CLEC16A: variants seen among roughly 807,000 people sequenced by gnomAD.
CLEC16A encodes protein CLEC16A.
In CLEC16A, 51 loss-of-function variants were observed where a neutral mutation model predicts 109.5. The ratio of observed to expected loss-of-function variants is 0.47; its 90% CI spans 0.37 to 0.59. The LOEUF (loss-of-function observed/expected upper bound fraction) is 0.59. Ranked by LOEUF, CLEC16A falls within the 20% of genes least tolerant of loss-of-function variation. The pLI, the probability that CLEC16A is intolerant of heterozygous loss-of-function variation, is 0.00. For synonymous variants in CLEC16A, 673 were observed against 564.2 expected (o/e 1.19, Z -2.73); for missense variants, 1,339 against 1,394.0 (o/e 0.96, Z 0.63).
intron 19 of CLEC16A, among the ~76,000 whole-genome samples, chr16:11,086,477 T>C (rs780679511): frequency 6.6e-6 from 1 of 152,238 alleles, no homozygotes; most frequent in Non-Finnish European, 1.5e-5. Context: ...GTAGGTAATT[T>C]CCTGTTAAGG....
At position 10,954,918 on chromosome 16, in the gene CLEC16A, A is replaced by G. The variant is rs1484340377; in HGVS notation, c.81-2864A>G. Among the ~76,000 whole-genome samples the G allele has an allele frequency of 6.6e-6, 1 of 152,220 alleles. No individual in the cohort carries two copies. The highest frequency in any genetic ancestry group is 1.9e-4 in the East Asian group (1 of 5,200). On this transcript the variant is annotated intron_variant, in intron 1 of 23. Transcript: ENST00000409790. This position sits in a 1 kb window ranked among gnomAD's most constrained non-coding sequence, Gnocchi z 4.2. Reference sequence around the variant, plus strand: ...AATAACGGCCCCCACCACAATGACCATAATCTAATCACCATGGCAGCCAAG... The same window carrying G: ...AATAACGGCCCCCACCACAATGACCGTAATCTAATCACCATGGCAGCCAAG...
intron 10 of CLEC16A, among the ~76,000 whole-genome samples, chr16:10,994,550 C>T (rs1374742896): frequency 6.6e-6 from 1 of 152,068 alleles, no homozygotes; most frequent in Non-Finnish European, 1.5e-5. Context: ...CTGTGTTTAT[C>T]AGGTAAAAAT....
chr16:10,962,059 C>A (rs2042273883), intron 2 of CLEC16A, among the ~76,000 whole-genome samples: 1 of 149,106 alleles, frequency 6.7e-6, no homozygotes, highest in Non-Finnish European at 1.5e-5. Flanking sequence ...CTCAAGCGGT[C>A]CTCCCACCTT....
At chr16:11,014,010 T>C (rs1316290701) in intron 11 of CLEC16A, among the ~76,000 whole-genome samples, 1 of 152,204 alleles carries the variant, frequency 6.6e-6, no homozygotes, top group Non-Finnish European at 1.5e-5. Flanking sequence ...GCTTCTTCTT[T>C]CTCATTCTCA....
intron 22 of CLEC16A, among the ~76,000 whole-genome samples, chr16:11,138,100 A>G (rs1266147280): frequency 1.1e-4 from 16 of 152,000 alleles, no homozygotes; most frequent in Non-Finnish European, 1.5e-5. Flanking sequence ...TTTTAAAGGA[A>G]CTTTTACAAT....
At chr16:11,006,783 G>A (rs2045045851) in intron 11 of CLEC16A, among the ~76,000 whole-genome samples, 1 of 152,152 alleles carries the variant, frequency 6.6e-6, no homozygotes, top group Non-Finnish European at 1.5e-5. Flanking sequence ...GCTCAGACAA[G>A]GAAGTTGTGT....
At chr16:11,050,261 C>G (rs945858765) in intron 17 of CLEC16A, among the ~76,000 whole-genome samples, 1 of 152,180 alleles carries the variant, frequency 6.6e-6, no homozygotes, top group Non-Finnish European at 1.5e-5. Flanking sequence ...GACCCAATCC[C>G]GTCTTGTTAG....
At chr16:10,991,632 T>G (rs1008753667) in intron 10 of CLEC16A, among the ~76,000 whole-genome samples, 1 of 152,114 alleles carries the variant, frequency 6.6e-6, no homozygotes, top group African/African-American at 2.4e-5. Flanking sequence ...CTGGAACCTC[T>G]TCGTCTTTGT....
At chr16:11,041,098 A>G (rs550634230) in intron 14 of CLEC16A, 1 of 152,362 alleles carries the variant, frequency 6.6e-6, no homozygotes, top group South Asian at 2.1e-4. Context: ...AGATGCTTCT[A>G]GGAGAGATGC....
intron 22 of CLEC16A, among the ~76,000 whole-genome samples, chr16:11,155,789 C>A (rs957428630): frequency 6.6e-6 from 1 of 152,222 alleles, no homozygotes; most frequent in Non-Finnish European, 1.5e-5. Flanking sequence ...TTAACTACCC[C>A]ACCCTGCAAA....
At chr16:11,134,725 G>T (rs1597509526) in intron 22 of CLEC16A, among the ~76,000 whole-genome samples, 1 of 152,214 alleles carries the variant, frequency 6.6e-6, no homozygotes, top group Admixed American at 6.5e-5. Flanking sequence ...AAAAGTTTTG[G>T]ATTTTGGATT....
intron 19 of CLEC16A, among the ~76,000 whole-genome samples, chr16:11,111,690 T>G (rs2051597522): frequency 6.6e-6 from 1 of 152,202 alleles, no homozygotes; most frequent in Admixed American, 6.5e-5. Flanking sequence ...TCAGACTAGT[T>G]TGTCGTAGAA....
intron 22 of CLEC16A, among the ~76,000 whole-genome samples, chr16:11,157,517 A>G (rs1363932614): frequency 6.6e-6 from 1 of 152,248 alleles, no homozygotes; most frequent in Non-Finnish European, 1.5e-5. Flanking sequence ...CTCTGTGCAT[A>G]TACCTGAAGC....
intron 23 of CLEC16A, among the ~76,000 whole-genome samples, chr16:11,175,971 G>C (rs547773587): frequency 6.6e-6 from 1 of 152,268 alleles, no homozygotes; most frequent in Non-Finnish European, 1.5e-5. Flanking sequence ...TTTGTCTCCA[G>C]ATGGTAGGAC....
intron 19 of CLEC16A, among the ~76,000 whole-genome samples, chr16:11,077,743 C>T (rs1397611667): frequency 3.9e-5 from 6 of 152,152 alleles, no homozygotes; most frequent in Non-Finnish European, 1.5e-5. Flanking sequence ...GTGACCAGCA[C>T]AATGCGTGGT....
chr16:11,141,714 C>A (rs11074954), intron 22 of CLEC16A, among the ~76,000 whole-genome samples: 56,769 of 152,108 alleles, frequency 0.37, 10,742 homozygotes, highest in South Asian at 0.48. Context: ...GAGGGACGGT[C>A]TGGGATGTGG....
chr16:11,136,016 T>G (rs1256815014), intron 22 of CLEC16A: 1 of 152,310 alleles, frequency 6.6e-6, no homozygotes, highest in African/African-American at 2.4e-5. Flanking sequence ...AATCCCAGCA[T>G]CCTTTTTTTC....
intron 22 of CLEC16A, among the ~76,000 whole-genome samples, chr16:11,164,048 C>A (rs892250063): frequency 6.6e-6 from 1 of 152,134 alleles, no homozygotes; most frequent in African/African-American, 2.4e-5. Context: ...TTGGATTTGC[C>A]GGATGTTTGC....
intron 10 of CLEC16A, among the ~76,000 whole-genome samples, chr16:10,994,521 C>G (rs910368666): frequency 4.6e-5 from 7 of 152,078 alleles, no homozygotes; most frequent in Non-Finnish European, 5.9e-5. Context: ...TGGGTGTGAC[C>G]TCCTGTGACT....
Sources: allele counts gnomAD v4.1 joint callset (sites outside exome capture counted in the v4.1 genomes callset), GRCh38; gene constraint gnomAD v4.1.1; non-coding constraint Gnocchi (gnomAD v3.1); transcripts MANE v1.5; gene names NCBI Gene and HGNC (gene_info 2026-07-23, HGNC 2026-07-21).